The following GPC6 variants were observed in gnomAD, a reference collection of about 807,000 sequenced individuals.
The protein encoded by GPC6 is glypican 6.
GPC6 carries 14 observed loss-of-function variants against 55.2 expected under a neutral mutation model. The observed-to-expected ratio is 0.25, with a 90% CI of 0.17 to 0.40. GPC6 has a LOEUF of 0.40. Ranked by LOEUF, GPC6 falls within the 10% of genes least tolerant of loss-of-function variation. GPC6 has a pLI of 1.00. For missense variants in GPC6, 641 were observed against 708.5 expected, an observed-to-expected ratio of 0.90 and a Z score of 1.08; for synonymous variants, 278 against 259.6, an observed-to-expected ratio of 1.07 and a Z score of -0.68.
intron 2 of GPC6, among the ~76,000 whole-genome samples, chr13:93,800,309 C>A (rs747093180): frequency 1.3e-5 from 2 of 152,134 alleles, no homozygotes; most frequent in Non-Finnish European, 2.9e-5. Context: ...CCATAAAGAC[C>A]AGAGCTTATT....
chr13:94,076,852 C>CAAA (rs1884932448), intron 4 of GPC6, among the ~76,000 whole-genome samples: 1 of 151,624 alleles, frequency 6.6e-6, no homozygotes, highest in East Asian at 1.9e-4. Flanking sequence ...TGTCTTTATG[C>CAAA]CAGTGTCATA....
intron 1 of GPC6, among the ~76,000 whole-genome samples, chr13:93,508,349 T>C (rs552704063): frequency 2.0e-5 from 3 of 152,182 alleles, no homozygotes; most frequent in Admixed American, 1.3e-4. Context: ...GAGAAGAAGC[T>C]TCCTGACAAA....
chr13:93,323,388 C>G (rs1006068016), intron 1 of GPC6, among the ~76,000 whole-genome samples: 1 of 152,054 alleles, frequency 6.6e-6, no homozygotes, highest in African/African-American at 2.4e-5. Context: ...TACCAATGGC[C>G]TCTCATAGAA....
chr13:93,494,095 G>A (rs1481586870), intron 1 of GPC6, among the ~76,000 whole-genome samples: 5 of 119,842 alleles, frequency 4.2e-5, no homozygotes, highest in African/African-American at 6.3e-5. Context: ...TTTCTGTCTC[G>A]TTGATCTGTC....
intron 6 of GPC6, among the ~76,000 whole-genome samples, chr13:94,314,782 A>C (rs1185922967): frequency 6.6e-6 from 1 of 152,242 alleles, no homozygotes; most frequent in African/African-American, 2.4e-5. Context: ...GATATTTCAT[A>C]AATACCAGTT....
chr13:93,498,299 C>T (rs1880386192), intron 1 of GPC6, among the ~76,000 whole-genome samples: 1 of 152,186 alleles, frequency 6.6e-6, no homozygotes, highest in Admixed American at 6.5e-5. Flanking sequence ...TTGTCCCTGC[C>T]ATTAGAGCCC....
At chr13:94,156,777 G>T (rs1272263777) in intron 4 of GPC6, among the ~76,000 whole-genome samples, 1 of 152,120 alleles carries the variant, frequency 6.6e-6, no homozygotes, top group East Asian at 1.9e-4. Flanking sequence ...CTTTGGAACA[G>T]ACATAAAATA....
intron 3 of GPC6, among the ~76,000 whole-genome samples, chr13:93,901,136 A>G (rs550370597): frequency 9.8e-5 from 15 of 152,348 alleles, no homozygotes; most frequent in Middle Eastern, 3.4e-3. Flanking sequence ...CTAAATGTCC[A>G]GCAAAGACTT....
intron 1 of GPC6, chr13:93,395,026 G>T (rs572056261): frequency 4.1e-6 from 1 of 242,180 alleles, no homozygotes; most frequent in East Asian, 1.0e-4. Flanking sequence ...TCCCTCCAAA[G>T]TGTCCTCCCT....
At position 94,075,316 on chromosome 13, in the gene GPC6, T is replaced by C. The variant is rs190470901; in HGVS notation, c.877+47422T>C. Reference sequence around the variant, plus strand: ...AATGAACACATTACCCTTGAAGAGTTTGGACATATGAATACCCCCATGATA... The same window carrying C: ...AATGAACACATTACCCTTGAAGAGTCTGGACATATGAATACCCCCATGATA... On this transcript the variant is annotated intron_variant, in intron 4 of 8. Coordinates refer to ENST00000377047, the MANE Select transcript of GPC6 (RefSeq NM_005708.5). Among the ~76,000 whole-genome samples, 35 of 152,324 alleles carry C rather than the reference T, an allele frequency of 2.3e-4. No individual in the cohort carries two copies. In the East Asian group the frequency reaches 5.6e-3, roughly 24 times the overall value.
chr13:93,326,173 T>C (rs545338420), intron 1 of GPC6, among the ~76,000 whole-genome samples: 2 of 152,154 alleles, frequency 1.3e-5, no homozygotes, highest in African/African-American at 4.8e-5. Flanking sequence ...GTAGATGACA[T>C]TGGGTTTTGG....
In GPC6 at chr13:93,517,056, C is replaced by T. The variant is rs182092799; in HGVS notation, c.161-28207C>T. On this transcript the variant is annotated intron_variant, in intron 1 of 8. Coordinates refer to ENST00000377047, the MANE Select transcript of GPC6 (RefSeq NM_005708.5). ...TTTTAAGGGAAAATTATTTTGAACTCACTTGTTATTTTTAGATGCATTCAT... is the reference window on the plus strand; with the variant it reads ...TTTTAAGGGAAAATTATTTTGAACTTACTTGTTATTTTTAGATGCATTCAT... Among the ~76,000 whole-genome samples the T allele has an allele frequency of 9.4e-5, 13 of 138,980 alleles. No individual in the cohort carries two copies. The East Asian group carries it at 2.9e-3, about 31-fold the overall frequency. 91.2% of individuals were successfully genotyped at this position (138,980 alleles called of 152,430 possible).
intron 3 of GPC6, among the ~76,000 whole-genome samples, chr13:93,916,162 G>C (rs547445593): frequency 6.6e-6 from 1 of 152,166 alleles, no homozygotes; most frequent in East Asian, 1.9e-4. Context: ...CCCATTCTTT[G>C]CTTGTTTCTG....
chr13:93,721,145 C>G (rs772549571), intron 2 of GPC6, among the ~76,000 whole-genome samples: 6 of 151,958 alleles, frequency 3.9e-5, no homozygotes, highest in Non-Finnish European at 8.8e-5. Context: ...ATTGATCTGT[C>G]TAATATTGAC....
chr13:93,601,596 A>G (rs1878018279), intron 2 of GPC6, among the ~76,000 whole-genome samples: 1 of 152,220 alleles, frequency 6.6e-6, no homozygotes, highest in Non-Finnish European at 1.5e-5. Flanking sequence ...ATCTCATGTT[A>G]TCACCTATAG....
chr13:93,777,239 C>T (rs138801495), intron 2 of GPC6, among the ~76,000 whole-genome samples: 1,591 of 152,240 alleles, frequency 0.01, 33 homozygotes, highest in African/African-American at 0.035. Flanking sequence ...TCCCAAGCCC[C>T]GTCTCCTGTT....
At chr13:94,218,701 T>G (rs546148829) in intron 4 of GPC6, among the ~76,000 whole-genome samples, 1 of 152,270 alleles carries the variant, frequency 6.6e-6, no homozygotes, top group African/African-American at 2.4e-5. Context: ...AGAAGCTCAG[T>G]GTGCCAGAGG....
At chr13:94,176,362 A>G (rs1333942051) in intron 4 of GPC6, among the ~76,000 whole-genome samples, 2 of 152,128 alleles carry the variant, frequency 1.3e-5, no homozygotes, top group Non-Finnish European at 2.9e-5. Flanking sequence ...AAAGGGAGGC[A>G]GAGCATCAGG....
intron 1 of GPC6, among the ~76,000 whole-genome samples, chr13:93,531,297 G>A (rs1424066930): frequency 6.6e-6 from 1 of 151,410 alleles, no homozygotes; most frequent in Non-Finnish European, 1.5e-5. Flanking sequence ...TAATATATAT[G>A]ATAGAGGGAG....
Sources: gnomAD v4.1 joint callset for allele counts (sites outside exome capture counted in the v4.1 genomes callset) on GRCh38, gnomAD v4.1.1 for gene constraint, MANE v1.5 for transcripts, NCBI Gene and HGNC (gene_info 2026-07-23, HGNC 2026-07-21) for gene names.